Variants in NEBL observed in about 807,000 individuals in gnomAD.
NEBL encodes the protein LIM and SH3 protein 2.
A neutral mutation model predicts 140.2 loss-of-function variants in NEBL; 122 were observed. That is an observed-to-expected ratio of 0.87 (90% CI 0.75 to 1.01). The LOEUF (loss-of-function observed/expected upper bound fraction) is 1.01, where lower values mean the gene tolerates loss of function less well. NEBL is among the 50% of genes least tolerant of loss of function. The pLI is 0.00. For missense variants in NEBL, 1,365 were observed against 1,231.3 expected (o/e 1.11, Z -1.62); for synonymous variants, 436 against 398.9 (o/e 1.09, Z -1.11).
At position 21,070,397 on chromosome 10, in the gene NEBL, G is replaced by C. The variant is rs563850569; in HGVS notation, c.165-50196C>G. 4.6e-5 allele frequency among the ~76,000 whole-genome samples: 7 copies of C among 152,178 alleles called. No homozygotes were observed. The South Asian group carries it at 8.3e-4, about 18-fold the overall frequency. ...ATGTAAGACTCTCCAAGATATCAAA[G>C]CACCAAAATATATACTACCTCAATA... is the stretch of plus-strand genomic sequence containing the variant. On this transcript the variant is annotated intron_variant, in intron 2 of 6. Coordinates refer to the NEBL transcript ENST00000417816.
chr10:21,158,308 A>G (rs1401603946), intron 2 of NEBL, among the ~76,000 whole-genome samples: 1 of 152,114 alleles, frequency 6.6e-6, no homozygotes, highest in Non-Finnish European at 1.5e-5. Flanking sequence ...TTTGCTGACA[A>G]TTTCTCAAAG....
Position 20,809,834 on chromosome 10 carries a change from A to C in NEBL, c.2583T>G (p.Ile861Met). 1.2e-6 allele frequency: 2 copies of C among 1,613,234 alleles called. No individual in the cohort carries two copies. Among genetic ancestry groups the C allele is most frequent in the Non-Finnish European group, 1.7e-6 (2 of 1,179,334 alleles). ...AGAGCATATGGAGACTTCTAGACTG[A>C]ATATTGTCTTCCAGGGGATCAAGGT... ...IFDLDPLEDN[I>M]QSRSLHMLSE... The change falls in exon 25 of 28, where the codon ATT becomes ATG. Residue 861 changes from isoleucine to methionine, a missense_variant. Around this residue, in one of 2 missense-constraint regions of NEBL, gnomAD observed 1,323 missense variants for 1,154.8 expected, o/e 1.15. Transcript: ENST00000377122.
At chr10:20,993,961 T>C (rs571971933) in intron 3 of NEBL, among the ~76,000 whole-genome samples, 2 of 152,270 alleles carry the variant, frequency 1.3e-5, no homozygotes, top group Admixed American at 1.3e-4. Context: ...ACATTACTCA[T>C]AAAGGTCAGA....
At chr10:21,049,234 T>C (rs1488056669) in intron 2 of NEBL, among the ~76,000 whole-genome samples, 2 of 152,190 alleles carry the variant, frequency 1.3e-5, no homozygotes, top group Non-Finnish European at 1.5e-5. Flanking sequence ...CTGGGTACCA[T>C]GGCCTAGCCA....
intron 2 of NEBL, among the ~76,000 whole-genome samples, chr10:21,077,321 C>A (rs894078008): frequency 5.3e-5 from 8 of 152,264 alleles, no homozygotes; most frequent in Admixed American, 2.0e-4. Flanking sequence ...ATTGCTTTTG[C>A]TGGCCGGGCG....
rs57176129 is a variant in NEBL at position 21,044,397 on chromosome 10, T to TAAAAAA, written c.165-24202_165-24197dup. On this transcript the variant is annotated intron_variant, in intron 2 of 6. Transcript: ENST00000417816. ...GGGTGACTGGGTGACAGAGTAAGAA[T>TAAAAAA]AAAAAAAAAAAAAAAAAAAAAAAAA... 9.9e-3 allele frequency among the ~76,000 whole-genome samples: 346 copies of TAAAAAA among 34,866 alleles called. 59 individuals carry two copies. Among genetic ancestry groups the TAAAAAA allele is most frequent in the Non-Finnish European group, 0.012 (271 of 22,178 alleles). The allele number at this position is 34,866 out of a possible 152,430, so 22.9% of individuals were successfully genotyped here. A position where few individuals can be genotyped will look rare whatever the true frequency, so the allele number is the denominator to read the frequency against.
intron 2 of NEBL, among the ~76,000 whole-genome samples, chr10:21,169,524 G>T (rs866618004): frequency 3.3e-5 from 5 of 152,160 alleles, no homozygotes; most frequent in African/African-American, 1.2e-4. Context: ...ATACTGCCCA[G>T]CCAGTTTACA....
chr10:20,824,298 A>T (rs1360244355), intron 18 of NEBL, among the ~76,000 whole-genome samples: 6 of 152,206 alleles, frequency 3.9e-5, no homozygotes, highest in African/African-American at 1.4e-4. Context: ...GTAATGTTTA[A>T]AATGATTAAG....
At chr10:21,065,935 C>A (rs1354144711) in intron 2 of NEBL, among the ~76,000 whole-genome samples, 1 of 152,182 alleles carries the variant, frequency 6.6e-6, no homozygotes, top group African/African-American at 2.4e-5. Flanking sequence ...CTAGTCTTAC[C>A]ACCAGCAGCT....
At chr10:20,794,445 C>G (rs941151092) in intron 26 of NEBL, among the ~76,000 whole-genome samples, 10 of 152,146 alleles carry the variant, frequency 6.6e-5, no homozygotes, top group African/African-American at 2.4e-4. Context: ...GTAATACATA[C>G]TACTTATAGT....
intron 2 of NEBL, among the ~76,000 whole-genome samples, chr10:21,127,873 A>ACAAAG (rs1838912180): frequency 6.6e-6 from 1 of 152,224 alleles, no homozygotes; most frequent in South Asian, 2.1e-4. Context: ...ACAAAACAAA[A>ACAAAG]GACTTTGCAA....
intron 4 of NEBL, among the ~76,000 whole-genome samples, chr10:20,943,768 A>G (rs538947157): frequency 1.3e-5 from 2 of 152,176 alleles, no homozygotes; most frequent in Non-Finnish European, 2.9e-5. Flanking sequence ...GTTCAAAACT[A>G]TTCAGTTACT....
At chr10:20,828,058 C>T (rs1017417397) in intron 17 of NEBL, among the ~76,000 whole-genome samples, 1 of 151,350 alleles carries the variant, frequency 6.6e-6, no homozygotes, top group Non-Finnish European at 1.5e-5. Flanking sequence ...TGCACAGGTA[C>T]CCCCAAACTT....
At chr10:21,024,852 A>G (rs1209595547) in intron 2 of NEBL, among the ~76,000 whole-genome samples, 1 of 152,184 alleles carries the variant, frequency 6.6e-6, no homozygotes, top group East Asian at 1.9e-4. Context: ...ACCAGATAAG[A>G]TAAGAAATAA....
chr10:21,018,000 T>G (rs1465896650), intron 3 of NEBL, among the ~76,000 whole-genome samples: 2 of 152,046 alleles, frequency 1.3e-5, no homozygotes, highest in Non-Finnish European at 2.9e-5. Flanking sequence ...TTTGTATTTT[T>G]TTGTAGGGAT....
chr10:21,052,132 C>CA (rs1184260604), intron 2 of NEBL, among the ~76,000 whole-genome samples: 1 of 151,912 alleles, frequency 6.6e-6, no homozygotes, highest in Non-Finnish European at 1.5e-5. Context: ...GAAAATGACA[C>CA]AAACTGCACC....
intron 2 of NEBL, among the ~76,000 whole-genome samples, chr10:21,067,028 A>C (rs1835587836): frequency 7.6e-6 from 1 of 132,146 alleles, no homozygotes; most frequent in Non-Finnish European, 1.5e-5. Flanking sequence ...GCTGTAGTGC[A>C]GTGGCGCGAT....
chr10:20,908,863 C>T (rs1044356086), intron 4 of NEBL, among the ~76,000 whole-genome samples: 1 of 152,158 alleles, frequency 6.6e-6, no homozygotes, highest in African/African-American at 2.4e-5. Context: ...TACAGTTATG[C>T]CCTGCTGCTA....
chr10:20,838,769 C>T (rs1410257274), intron 13 of NEBL, among the ~76,000 whole-genome samples: 1 of 152,110 alleles, frequency 6.6e-6, no homozygotes, highest in African/African-American at 2.4e-5. Flanking sequence ...AGTCGGCAGC[C>T]ATCAATATAG....
Sources: gnomAD v4.1 joint callset for allele counts (sites outside exome capture counted in the v4.1 genomes callset) on GRCh38, gnomAD v4.1.1 for gene constraint, gnomAD v4.1.1 regional missense constraint, MANE v1.5 for transcripts, NCBI Gene and HGNC (gene_info 2026-07-23, HGNC 2026-07-21) for gene names.